The following SNTG1 variants were observed in gnomAD, a reference collection of about 807,000 sequenced individuals.
The protein encoded by SNTG1 is gamma-1-syntrophin.
In SNTG1, 39 loss-of-function variants were observed where a neutral mutation model predicts 74.7. That is an observed-to-expected ratio of 0.52 (90% confidence interval 0.40 to 0.68). The LOEUF is 0.68. Among genes scored for constraint, SNTG1 ranks in the 30% least tolerant of loss-of-function variants. SNTG1 has a pLI of 0.00. For synonymous variants in SNTG1, 254 were observed against 217.1 expected (o/e 1.17, Z -1.49); for missense variants, 685 against 609.5 (o/e 1.12, Z -1.30).
chr8:50,322,498 T>C (rs1255645010), intron 2 of SNTG1, among the ~76,000 whole-genome samples: 4 of 152,152 alleles, frequency 2.6e-5, no homozygotes, highest in Non-Finnish European at 4.4e-5. Flanking sequence ...GATTGTTAAA[T>C]GTCTTAAGGC....
chr8:50,557,013 C>T (rs942981062), intron 12 of SNTG1, among the ~76,000 whole-genome samples: 4 of 152,138 alleles, frequency 2.6e-5, no homozygotes, highest in Non-Finnish European at 4.4e-5. Flanking sequence ...CTACCCTGCA[C>T]CCCATCTCAC....
intron 8 of SNTG1, among the ~76,000 whole-genome samples, chr8:50,471,956 A>C (rs1282741218): frequency 6.6e-6 from 1 of 152,200 alleles, no homozygotes; most frequent in Non-Finnish European, 1.5e-5. Context: ...TATTTAAAAT[A>C]GCATAAAAAT....
intron 15 of SNTG1, among the ~76,000 whole-genome samples, chr8:50,693,156 C>T (rs1343174061): frequency 6.6e-6 from 1 of 152,134 alleles, no homozygotes; most frequent in Non-Finnish European, 1.5e-5. Flanking sequence ...GTCTGTCACC[C>T]CTTTCTTTGA....
chr8:50,597,143 A>T (rs2094733111), intron 13 of SNTG1, among the ~76,000 whole-genome samples: 1 of 151,576 alleles, frequency 6.6e-6, no homozygotes, highest in South Asian at 2.1e-4. Context: ...TTTTTCGATA[A>T]CACTGATGAT....
intron 13 of SNTG1, among the ~76,000 whole-genome samples, chr8:50,639,765 A>T (rs1348973355): frequency 6.6e-6 from 1 of 152,086 alleles, no homozygotes; most frequent in Non-Finnish European, 1.5e-5. Flanking sequence ...AACAAGCCTT[A>T]CCTTTTAGTA....
intron 9 of SNTG1, among the ~76,000 whole-genome samples, chr8:50,522,969 G>A (rs1184122995): frequency 6.6e-6 from 1 of 152,152 alleles, no homozygotes; most frequent in Non-Finnish European, 1.5e-5. Context: ...TTTTAATGAA[G>A]CCGTATTCAT....
intron 13 of SNTG1, among the ~76,000 whole-genome samples, chr8:50,652,363 T>C (rs1171058927): frequency 6.6e-6 from 1 of 152,216 alleles, no homozygotes; most frequent in Non-Finnish European, 1.5e-5. Flanking sequence ...ATTGAATTGT[T>C]CAAAACCTCT....
chr8:50,710,960 C>T (rs2095459884), intron 17 of SNTG1, among the ~76,000 whole-genome samples: 1 of 151,082 alleles, frequency 6.6e-6, no homozygotes. Context: ...TTGGGAAAGG[C>T]TAAAAGGAAT....
intron 2 of SNTG1, among the ~76,000 whole-genome samples, chr8:50,252,247 A>C (rs1359705980): frequency 6.6e-6 from 1 of 152,146 alleles, no homozygotes; most frequent in Non-Finnish European, 1.5e-5. Flanking sequence ...AAACATCTAC[A>C]TCAAAACAAG....
At chr8:50,606,579 A>G (rs1024629743) in intron 13 of SNTG1, among the ~76,000 whole-genome samples, 6 of 151,872 alleles carry the variant, frequency 4.0e-5, no homozygotes, top group Non-Finnish European at 8.8e-5. Flanking sequence ...TTTCTTTTTA[A>G]TAATTCATGG....
intron 2 of SNTG1, among the ~76,000 whole-genome samples, chr8:50,240,024 C>T (rs912783793): frequency 3.9e-5 from 6 of 152,070 alleles, no homozygotes; most frequent in African/African-American, 1.4e-4. Flanking sequence ...CTGCAATGGG[C>T]AGGAAGTTGT....
chr8:50,394,725 G>A (rs924245856), intron 3 of SNTG1, among the ~76,000 whole-genome samples: 4 of 152,064 alleles, frequency 2.6e-5, no homozygotes, highest in Admixed American at 2.0e-4. Context: ...ATTTCAGCAC[G>A]AGTTAAAGTG....
At chr8:50,171,914 C>T (rs1267921368) in intron 1 of SNTG1, among the ~76,000 whole-genome samples, 1 of 152,120 alleles carries the variant, frequency 6.6e-6, no homozygotes, top group Non-Finnish European at 1.5e-5. Flanking sequence ...ATCTCACCTG[C>T]CTATCATTGA....
chr8:50,419,155 G>T lies in SNTG1; in HGVS notation c.162+16811G>T, dbSNP rs146916589. On this transcript the variant is annotated intron_variant, in intron 4 of 18. Coordinates refer to ENST00000642720, the MANE Select transcript of SNTG1 (RefSeq NM_018967.5). ...CCCAGATTGGTTACAGGAGAAGCCA[G>T]TAACCTGGAAATGACAATAAGCCCA... Among the ~76,000 whole-genome samples the T allele has an allele frequency of 1.6e-3, 245 of 152,176 alleles. 2 individuals carry two copies. Among genetic ancestry groups the T allele is most frequent in the Non-Finnish European group, 8.8e-4 (60 of 68,004 alleles).
At chr8:50,390,275 G>A (rs535995321) in intron 2 of SNTG1, among the ~76,000 whole-genome samples, 59 of 152,256 alleles carry the variant, frequency 3.9e-4, no homozygotes, top group Admixed American at 3.3e-4. Context: ...GTATAAGGAA[G>A]GGATCCATTT....
intron 18 of SNTG1, among the ~76,000 whole-genome samples, chr8:50,766,339 C>T (rs575178103): frequency 2.0e-5 from 3 of 151,926 alleles, no homozygotes; most frequent in Non-Finnish European, 2.9e-5. Context: ...TGGTTTCTTA[C>T]AGTATTTCAA....
chr8:50,695,178 A>T (rs10481269), intron 15 of SNTG1, among the ~76,000 whole-genome samples: 50,459 of 149,088 alleles, frequency 0.34, 10,890 homozygotes, highest in African/African-American at 0.61. Flanking sequence ...TCTTATATGT[A>T]AAAAAAAACC....
intron 1 of SNTG1, among the ~76,000 whole-genome samples, chr8:49,947,695 G>C (rs1013663998): frequency 2.0e-5 from 3 of 152,152 alleles, no homozygotes; most frequent in African/African-American, 7.2e-5. Flanking sequence ...GAGTGACTTT[G>C]TGTAATTGTA....
At chr8:50,761,664 A>G (rs759650767) in intron 18 of SNTG1, among the ~76,000 whole-genome samples, 2 of 151,696 alleles carry the variant, frequency 1.3e-5, no homozygotes, top group Non-Finnish European at 2.9e-5. Context: ...ATCACACATA[A>G]TTTTAAAACT....
Sources: gnomAD v4.1 joint callset for allele counts (sites outside exome capture counted in the v4.1 genomes callset) on GRCh38, gnomAD v4.1.1 for gene constraint, MANE v1.5 for transcripts, NCBI Gene and HGNC (gene_info 2026-07-23, HGNC 2026-07-21) for gene names.